CDH20: variants seen among roughly 807,000 people sequenced by gnomAD.
The protein encoded by CDH20 is cadherin-20.
Under a neutral mutation model 74.2 loss-of-function variants are expected in CDH20, and 29 were observed. The ratio of observed to expected loss-of-function variants is 0.39; its 90% confidence interval spans 0.29 to 0.53. The LOEUF (loss-of-function observed/expected upper bound fraction) is 0.53. Among genes scored for constraint, CDH20 ranks in the 20% least tolerant of loss-of-function variants. The pLI, the probability that CDH20 is intolerant of heterozygous loss-of-function variation, is 0.69. For synonymous variants in CDH20, 469 were observed against 405.4 expected, an observed-to-expected ratio of 1.16 and a Z score of -1.88; for missense variants, 988 against 1,048.3, an observed-to-expected ratio of 0.94 and a Z score of 0.79.
rs533146634 is a variant in CDH20 at position 61,447,685 on chromosome 18, T to C, written c.-152-42717T>C. Among the ~76,000 whole-genome samples, 4 of 152,356 alleles carry C rather than the reference T, an allele frequency of 2.6e-5. No homozygotes were observed. The South Asian group carries it at 8.3e-4, about 32-fold the overall frequency. ...ATGCGGTAAGCAGACATTTATTCAT[T>C]GTAAGCTTGAAGAGCTAAGCCAACA... On this transcript the variant is annotated intron_variant, in intron 1 of 11. Coordinates refer to ENST00000262717, the MANE Select transcript of CDH20 (RefSeq NM_031891.4).
chr18:61,390,703 A>C (rs1241350527), intron 1 of CDH20, among the ~76,000 whole-genome samples: 2 of 152,234 alleles, frequency 1.3e-5, no homozygotes, highest in Non-Finnish European at 2.9e-5. Flanking sequence ...TAAATAAAAA[A>C]GATAGCATTT....
chr18:61,362,023 T>C (rs912656772), intron 1 of CDH20, among the ~76,000 whole-genome samples: 1 of 152,068 alleles, frequency 6.6e-6, no homozygotes, highest in East Asian at 1.9e-4. Flanking sequence ...AAGAAATTCA[T>C]CTCCAGGGAG....
chr18:61,516,829 C>T (rs1031100535), intron 6 of CDH20, among the ~76,000 whole-genome samples: 1 of 151,716 alleles, frequency 6.6e-6, no homozygotes, highest in South Asian at 2.1e-4. Flanking sequence ...CCAGCCTGGG[C>T]AACATAAGCA....
intron 1 of CDH20, among the ~76,000 whole-genome samples, chr18:61,448,253 C>A (rs114581190): frequency 6.6e-6 from 1 of 152,152 alleles, no homozygotes; most frequent in Non-Finnish European, 1.5e-5. Context: ...AAGCCTAGCC[C>A]TCACCCAATT....
At chr18:61,385,025 A>C (rs1911547588) in intron 1 of CDH20, among the ~76,000 whole-genome samples, 1 of 152,164 alleles carries the variant, frequency 6.6e-6, no homozygotes, top group African/African-American at 2.4e-5. Flanking sequence ...CCTATCAAGA[A>C]GATAACATCA....
In CDH20 at chr18:61,554,686, G is replaced by T. The variant is rs891100512; in HGVS notation, c.2397G>T (p.Pro799=). 5 of 1,566,004 alleles carry T rather than the reference G, an allele frequency of 3.2e-6. No individual in the cohort carries two copies. In the African/African-American group the frequency reaches 4.0e-5, roughly 13 times the overall value. ...ACGGGGCGTCGGAGGGACCCGCGCC[G>T]CTGTGGTGACGGAAGCCAGGAGGCA... ...ELYGASEGPA[P]LW The change falls in exon 12 of 12, where the codon CCG becomes CCT. Residue 799 remains proline, a synonymous_variant. Transcript: ENST00000262717.
At chr18:61,422,624 AG>A (rs1172944060) in intron 1 of CDH20, among the ~76,000 whole-genome samples, 1 of 152,108 alleles carries the variant, frequency 6.6e-6, no homozygotes, top group Non-Finnish European at 1.5e-5. Flanking sequence ...ATTTTTACTC[AG>A]CATGGGAGCC....
chr18:61,479,517 G>T (rs1044575560), intron 1 of CDH20, among the ~76,000 whole-genome samples: 44 of 152,088 alleles, frequency 2.9e-4, no homozygotes, highest in African/African-American at 1.0e-3. Flanking sequence ...AATAGCCAAT[G>T]TTTATTTATT....
intron 11 of CDH20, among the ~76,000 whole-genome samples, chr18:61,551,817 G>C (rs1442009111): frequency 6.6e-6 from 1 of 152,142 alleles, no homozygotes; most frequent in Non-Finnish European, 1.5e-5. Flanking sequence ...TTTGGAAAAT[G>C]TCGAAGTTAA....
intron 11 of CDH20, among the ~76,000 whole-genome samples, chr18:61,550,820 A>G (rs897958895): frequency 6.6e-6 from 1 of 152,228 alleles, no homozygotes; most frequent in Non-Finnish European, 1.5e-5. Context: ...TGGAAAAGTG[A>G]CAGGGATAGA....
intron 1 of CDH20, among the ~76,000 whole-genome samples, chr18:61,405,514 G>A (rs935871915): frequency 6.6e-6 from 1 of 152,204 alleles, no homozygotes; most frequent in African/African-American, 2.4e-5. Context: ...TTCAGCCCAG[G>A]AGTTCGAGAC....
intron 1 of CDH20, among the ~76,000 whole-genome samples, chr18:61,470,695 GA>G (rs1323877142): frequency 1.3e-5 from 2 of 152,210 alleles, no homozygotes; most frequent in African/African-American, 4.8e-5. Flanking sequence ...AGGAAGAAAG[GA>G]AAGAATTTTG....
chr18:61,404,633 A>G (rs1472567670), intron 1 of CDH20, among the ~76,000 whole-genome samples: 1 of 152,236 alleles, frequency 6.6e-6, no homozygotes, highest in African/African-American at 2.4e-5. Flanking sequence ...TTTACCCAGC[A>G]ATTTTAAAGA....
intron 1 of CDH20, among the ~76,000 whole-genome samples, chr18:61,348,342 C>G (rs1209584880): frequency 6.6e-6 from 1 of 152,188 alleles, no homozygotes; most frequent in African/African-American, 2.4e-5. Context: ...TCATAGATTA[C>G]TCTGCCCCAC....
chr18:61,340,103 A>G (rs577676791), intron 1 of CDH20, among the ~76,000 whole-genome samples: 3 of 151,022 alleles, frequency 2.0e-5, no homozygotes, highest in East Asian at 3.9e-4. Context: ...CTCTTAATAC[A>G]CTCCTACTTA....
chr18:61,393,742 G>T (rs115984832), intron 1 of CDH20, among the ~76,000 whole-genome samples: 1 of 152,038 alleles, frequency 6.6e-6, no homozygotes, highest in Non-Finnish European at 1.5e-5. Flanking sequence ...ATAAGTTTAG[G>T]TAATCATTTT....
chr18:61,546,593 G>A (rs1197334948), intron 10 of CDH20, among the ~76,000 whole-genome samples: 1 of 152,140 alleles, frequency 6.6e-6, no homozygotes, highest in Non-Finnish European at 1.5e-5. Flanking sequence ...CCTGGGGAGG[G>A]AAAATAACAC....
intron 2 of CDH20, among the ~76,000 whole-genome samples, chr18:61,497,450 G>C (rs1049940627): frequency 6.6e-6 from 1 of 152,250 alleles, no homozygotes; most frequent in Non-Finnish European, 1.5e-5. Context: ...TGCTTCAGGC[G>C]GCCTTCTGCA....
intron 1 of CDH20, among the ~76,000 whole-genome samples, chr18:61,394,944 C>T (rs9636099): frequency 0.24 from 36,419 of 151,632 alleles, 4,787 homozygotes; most frequent in Middle Eastern, 0.39. Context: ...CTCCTCCTTG[C>T]CCGAAGAGGA....
Sources: gnomAD v4.1 joint callset for allele counts (sites outside exome capture counted in the v4.1 genomes callset) on GRCh38, gnomAD v4.1.1 for gene constraint, MANE v1.5 for transcripts, NCBI Gene and HGNC (gene_info 2026-07-23, HGNC 2026-07-21) for gene names.